FGF12: variants seen among roughly 807,000 people sequenced by gnomAD.
The protein encoded by FGF12 is fibroblast growth factor 12.
A neutral mutation model predicts 23.6 loss-of-function variants in FGF12; 14 were observed. The ratio of observed to expected loss-of-function variants is 0.59; its 90% CI spans 0.39 to 0.93. The LOEUF (loss-of-function observed/expected upper bound fraction) is 0.93. Among genes scored for constraint, FGF12 ranks in the 40% least tolerant of loss-of-function variants. The pLI is 0.00. For missense variants in FGF12, 175 were observed against 217.8 expected (o/e 0.80, Z 1.24); for synonymous variants, 62 against 77.3 (o/e 0.80, Z 1.04).
intron 4 of FGF12, among the ~76,000 whole-genome samples, chr3:192,273,188 A>G (rs1713557988): frequency 6.6e-6 from 1 of 152,218 alleles, no homozygotes; most frequent in Non-Finnish European, 1.5e-5. Flanking sequence ...TTATGCTGTT[A>G]CATAAATGTG....
chr3:192,376,080 A>G (rs540335507), intron 2 of FGF12, among the ~76,000 whole-genome samples: 208 of 152,162 alleles, frequency 1.4e-3, no homozygotes, highest in Non-Finnish European at 2.1e-3. Flanking sequence ...AATCTCTTTG[A>G]TTATAGATGA....
intron 4 of FGF12, among the ~76,000 whole-genome samples, chr3:192,295,462 G>A (rs941642484): frequency 1.6e-4 from 25 of 152,080 alleles, no homozygotes; most frequent in Admixed American, 1.2e-3. Flanking sequence ...ATAACTGTTC[G>A]ACATATATAA....
intron 2 of FGF12, among the ~76,000 whole-genome samples, chr3:192,418,574 CAAATCT>C (rs1721425954): frequency 6.6e-6 from 1 of 152,058 alleles, no homozygotes; most frequent in Admixed American, 6.6e-5. Context: ...TGTCCGTGCC[CAAATCT>C]CATGTTGAAT....
chr3:192,170,970 G>T (rs1005556285), intron 4 of FGF12, among the ~76,000 whole-genome samples: 1 of 152,164 alleles, frequency 6.6e-6, no homozygotes, highest in Non-Finnish European at 1.5e-5. Context: ...AAAGTGATTG[G>T]CCATTCCTCA....
chr3:192,605,349 C>T (rs113507507), intron 2 of FGF12, among the ~76,000 whole-genome samples: 2,460 of 150,658 alleles, frequency 0.016, 26 homozygotes, highest in Middle Eastern at 0.027. Context: ...CCACTGCACT[C>T]CAGCCTGGGG....
At chr3:192,676,737 A>G (rs983892690) in intron 2 of FGF12, among the ~76,000 whole-genome samples, 1 of 152,204 alleles carries the variant, frequency 6.6e-6, no homozygotes, top group Non-Finnish European at 1.5e-5. Flanking sequence ...ATATACACAC[A>G]GGGAGAACAC....
chr3:192,585,768 T>C (rs1428438032), intron 2 of FGF12, among the ~76,000 whole-genome samples: 1 of 152,094 alleles, frequency 6.6e-6, no homozygotes, highest in East Asian at 1.9e-4. Flanking sequence ...TTGTCTTGAA[T>C]GGAGGTGGGG....
chr3:192,673,576 C>T (rs1717213599), intron 2 of FGF12, among the ~76,000 whole-genome samples: 1 of 150,630 alleles, frequency 6.6e-6, no homozygotes, highest in Non-Finnish European at 1.5e-5. Flanking sequence ...GTGTGTTGCT[C>T]CCCTCCCTGT....
intron 4 of FGF12, among the ~76,000 whole-genome samples, chr3:192,239,112 T>C (rs1719460284): frequency 6.6e-6 from 1 of 152,214 alleles, no homozygotes; most frequent in Non-Finnish European, 1.5e-5. Flanking sequence ...ATGTGTAACA[T>C]GTAGAAGTGT....
chr3:192,653,768 G>A (rs1241116536), intron 2 of FGF12, among the ~76,000 whole-genome samples: 2 of 150,678 alleles, frequency 1.3e-5, no homozygotes, highest in African/African-American at 4.9e-5. Flanking sequence ...AGGCTGGAGT[G>A]CAGTGGCGCT....
intron 2 of FGF12, among the ~76,000 whole-genome samples, chr3:192,564,829 G>C (rs1157670520): frequency 6.6e-6 from 1 of 152,178 alleles, no homozygotes; most frequent in Non-Finnish European, 1.5e-5. Flanking sequence ...GATTAGAGGA[G>C]AATGTATTTA....
intron 3 of FGF12, among the ~76,000 whole-genome samples, chr3:192,344,033 C>T (rs1169911914): frequency 6.6e-6 from 1 of 152,076 alleles, no homozygotes; most frequent in East Asian, 1.9e-4. Context: ...GCAATCAGAC[C>T]TTGGCGATGA....
At position 192,677,225 on chromosome 3, in the gene FGF12, A is replaced by G. The variant is rs555535914; in HGVS notation, c.13+49956T>C. 3.9e-5 allele frequency among the ~76,000 whole-genome samples: 6 copies of G among 152,114 alleles called. No homozygotes were observed. The South Asian group carries it at 8.3e-4, about 21-fold the overall frequency. ...ACCTTCCAAACTATTACCTCCCCCAACTCCCACACTGAGAGTTAACTGGGC... is the reference window on the plus strand; with the variant it reads ...ACCTTCCAAACTATTACCTCCCCCAGCTCCCACACTGAGAGTTAACTGGGC... On this transcript the variant is annotated intron_variant, in intron 2 of 5. Transcript: ENST00000445105.
At chr3:192,171,875 G>GCTCT (rs147801298) in intron 4 of FGF12, among the ~76,000 whole-genome samples, 2 of 140,580 alleles carry the variant, frequency 1.4e-5, no homozygotes, top group African/African-American at 5.0e-5. Context: ...TGTAGAGAGT[G>GCTCT]CTCTCTCTCT....
At chr3:192,208,285 A>G (rs1717753248) in intron 4 of FGF12, among the ~76,000 whole-genome samples, 1 of 152,264 alleles carries the variant, frequency 6.6e-6, no homozygotes, top group Non-Finnish European at 1.5e-5. Flanking sequence ...ATTCCATAGA[A>G]TGCATTTCAC....
chr3:192,355,043 T>TA (rs1718407708), intron 3 of FGF12, among the ~76,000 whole-genome samples: 1 of 152,196 alleles, frequency 6.6e-6, no homozygotes, highest in Admixed American at 6.5e-5. Flanking sequence ...TTTTGTTGAC[T>TA]AGATGATAAG....
chr3:192,559,282 T>A (rs1053724233), intron 2 of FGF12, among the ~76,000 whole-genome samples: 10 of 152,022 alleles, frequency 6.6e-5, no homozygotes, highest in African/African-American at 2.4e-4. Flanking sequence ...TTTAAAATGT[T>A]TTAAGAATTG....
intron 4 of FGF12, among the ~76,000 whole-genome samples, chr3:192,232,492 A>G (rs1049221246): frequency 9.4e-5 from 14 of 149,148 alleles, no homozygotes; most frequent in African/African-American, 3.2e-4. Flanking sequence ...AGATTAATCA[A>G]TGGTGGGCTC....
At chr3:192,462,706 G>A (rs1283370285) in intron 2 of FGF12, among the ~76,000 whole-genome samples, 1 of 152,128 alleles carries the variant, frequency 6.6e-6, no homozygotes, top group African/African-American at 2.4e-5. Context: ...ACAGTTCACT[G>A]AGAGGACATT....
Sources: gnomAD v4.1 joint callset for allele counts (sites outside exome capture counted in the v4.1 genomes callset) on GRCh38, gnomAD v4.1.1 for gene constraint, MANE v1.5 for transcripts, NCBI Gene and HGNC (gene_info 2026-07-23, HGNC 2026-07-21) for gene names.